Variants in VPS13A observed in about 807,000 individuals in gnomAD.
VPS13A encodes vacuolar protein sorting 13 homolog A.
VPS13A carries 264 observed loss-of-function variants against 390.9 expected under a neutral mutation model. That is an observed-to-expected ratio of 0.68 (90% CI 0.61 to 0.75). VPS13A has a LOEUF of 0.75. VPS13A is among the 30% of genes least tolerant of loss of function. VPS13A has a pLI of 0.00. For missense variants in VPS13A, 3,409 were observed against 3,733.9 expected (o/e 0.91, Z 2.27); for synonymous variants, 1,231 against 1,227.1 (o/e 1.00, Z -0.07).
intron 68 of VPS13A, among the ~76,000 whole-genome samples, chr9:77,391,639 T>C (rs183875727): frequency 6.6e-6 from 1 of 152,328 alleles, no homozygotes; most frequent in Admixed American, 6.5e-5. Context: ...GAAATATAGA[T>C]TTAGACATTT....
At chr9:77,178,951 T>C (rs745876589) in intron 1 of VPS13A, among the ~76,000 whole-genome samples, 18 of 152,224 alleles carry the variant, frequency 1.2e-4, no homozygotes, top group Non-Finnish European at 2.1e-4. Context: ...TTTTAAAGAA[T>C]GTTACTACCG....
chr9:77,182,123 T>G (rs758992099), intron 1 of VPS13A, among the ~76,000 whole-genome samples: 20 of 152,216 alleles, frequency 1.3e-4, no homozygotes, highest in East Asian at 3.8e-4. Context: ...AGACGGAGTC[T>G]CGTTCTGTCA....
rs199656692 is a variant in VPS13A, at chr9:77,232,751, A to G, written c.1595+4487A>G. Among the ~76,000 whole-genome samples, 8 of 152,258 alleles carry G rather than the reference A, an allele frequency of 5.3e-5. No individual in the cohort carries two copies. The East Asian group carries it at 7.7e-4, about 15-fold the overall frequency. On this transcript the variant is annotated intron_variant, in intron 17 of 71. Transcript: ENST00000360280. ...TCAGACCTCATGAGACTTATTCACT[A>G]TCATGAGAACAGCACTGGAAAAACC...
intron 44 of VPS13A, among the ~76,000 whole-genome samples, chr9:77,321,947 C>T (rs376196209): frequency 1.3e-5 from 2 of 151,560 alleles, no homozygotes; most frequent in East Asian, 3.9e-4. Flanking sequence ...ACTTTGTATT[C>T]CAAACTCTTT....
intron 26 of VPS13A, chr9:77,279,885 T>A (rs1443330479): frequency 4.3e-6 from 1 of 232,344 alleles, no homozygotes. Flanking sequence ...TTTAGTTGAT[T>A]CCTGTTTTTT....
chr9:77,211,244 C>T (rs1272046428), intron 7 of VPS13A: 2 of 152,100 alleles, frequency 1.3e-5, no homozygotes, highest in Non-Finnish European at 2.9e-5. Flanking sequence ...GTTTGAATCC[C>T]TTTTGTTTTC....
chr9:77,216,289 T>C (rs559700629), intron 10 of VPS13A, among the ~76,000 whole-genome samples: 104 of 152,264 alleles, frequency 6.8e-4, no homozygotes, highest in Non-Finnish European at 1.1e-3. Context: ...AAGTAAAAAA[T>C]TGATAACTGG....
At chr9:77,277,248 T>C (rs1013898441) in intron 26 of VPS13A, among the ~76,000 whole-genome samples, 1 of 152,112 alleles carries the variant, frequency 6.6e-6, no homozygotes, top group Non-Finnish European at 1.5e-5. Context: ...TGAGCAGAGG[T>C]GGAAATAAAA....
intron 9 of VPS13A, 33 bp downstream of exon 9, chr9:77,213,347 TATC>T: frequency 6.5e-7 from 1 of 1,548,512 alleles, no homozygotes; most frequent in Non-Finnish European, 8.9e-7. Context: ...TATTTGTTGG[TATC>T]ATATTTTGCA....
intron 42 of VPS13A, among the ~76,000 whole-genome samples, chr9:77,320,020 A>G (rs1239787976): frequency 6.6e-6 from 1 of 152,166 alleles, no homozygotes; most frequent in Non-Finnish European, 1.5e-5. Context: ...AATGTTGCCT[A>G]TGCTTCTAAT....
intron 22 of VPS13A, among the ~76,000 whole-genome samples, chr9:77,254,418 A>ACC (rs1260907820): frequency 2.0e-5 from 3 of 152,120 alleles, no homozygotes; most frequent in African/African-American, 7.2e-5. Flanking sequence ...ATTTTCCTGT[A>ACC]CCACACTATT....
At chr9:77,296,510 C>T (rs1203361948) in intron 33 of VPS13A, among the ~76,000 whole-genome samples, 1 of 152,068 alleles carries the variant, frequency 6.6e-6, no homozygotes, top group African/African-American at 2.4e-5. Flanking sequence ...CTTGTCTCTT[C>T]ACCTTATTTT....
Position 77,321,740 on chromosome 9 carries a change from C to G in VPS13A, c.5824C>G (p.Leu1942Val), listed in dbSNP as rs761209679. 3 of 1,613,072 alleles carry G rather than the reference C, an allele frequency of 1.9e-6. No homozygotes were observed. Among genetic ancestry groups the G allele is most frequent in the South Asian group, 1.1e-5 (1 of 90,982 alleles). Reference sequence around the variant, plus strand: ...CCTAAGCAGCAAACTCTTCTTCATTCTTCTTAGTAAGTAGTTGAAAAATTA... The same window carrying G: ...CCTAAGCAGCAAACTCTTCTTCATTGTTCTTAGTAAGTAGTTGAAAAATTA... ...TSLSSKLFFI[L>V]LTPVNHSTAD... The change falls in exon 44 of 72, where the codon CTT becomes GTT. Residue 1942 changes from leucine (L) to valine (V), a missense_variant. By Grantham distance (32) the Leu-to-Val change is conservative. Transcript: ENST00000360280.
rs749021322 is a variant in VPS13A, at chr9:77,314,445, CT to C, written c.4243-47del. ...GTAGTAGTTCATATCATGAAATACACTTTAGACTTGTGTTTCTTTGTAATTT... is the reference window on the plus strand; with the variant it reads ...GTAGTAGTTCATATCATGAAATACACTTAGACTTGTGTTTCTTTGTAATTT... On this transcript the variant is annotated intron_variant, in intron 36 of 71. Coordinates refer to ENST00000360280, the MANE Select transcript of VPS13A (RefSeq NM_033305.3). 5.1e-6 allele frequency: 8 copies of C among 1,553,806 alleles called. No homozygotes were observed. In the South Asian group the frequency reaches 8.9e-5, roughly 17 times the overall value.
chr9:77,185,196 C>T (rs996579307), intron 1 of VPS13A, among the ~76,000 whole-genome samples: 8 of 151,722 alleles, frequency 5.3e-5, no homozygotes, highest in East Asian at 1.9e-4. Flanking sequence ...GGCTGGAGTG[C>T]GGTGGCGCAA....
At chr9:77,259,971 T>C in intron 22 of VPS13A, 115 bp from the exon 23 acceptor site, 1 of 762,848 alleles carries the variant, frequency 1.3e-6, no homozygotes, top group Non-Finnish European at 2.1e-6. Flanking sequence ...GAATAGAGAT[T>C]TTTAGTGTTT....
intron 58 of VPS13A, 50 bp from the exon 59 acceptor site, chr9:77,360,486 C>A (rs745732885): frequency 2.3e-6 from 3 of 1,321,656 alleles, no homozygotes; most frequent in South Asian, 2.4e-5. Context: ...TTTTGTAATA[C>A]AGTTGTTAAT....
intron 1 of VPS13A, among the ~76,000 whole-genome samples, chr9:77,186,199 A>G (rs541179089): frequency 1.3e-5 from 2 of 152,330 alleles, no homozygotes; most frequent in Admixed American, 6.5e-5. Flanking sequence ...CTTACAATAC[A>G]GTATACAGAT....
chr9:77,262,590 G>A (rs905565118), intron 23 of VPS13A, among the ~76,000 whole-genome samples: 1 of 150,738 alleles, frequency 6.6e-6, no homozygotes, highest in Admixed American at 6.6e-5. Flanking sequence ...CCTAGCCCCC[G>A]ACCCCTCGAC....
Sources: gnomAD v4.1 joint callset for allele counts (sites outside exome capture counted in the v4.1 genomes callset) on GRCh38, gnomAD v4.1.1 for gene constraint, MANE v1.5 for transcripts, NCBI Gene and HGNC (gene_info 2026-07-23, HGNC 2026-07-21) for gene names.